PCDHGB2: variants seen among roughly 807,000 people sequenced by gnomAD.
PCDHGB2 encodes protocadherin gamma-B2.
A neutral mutation model predicts 59.3 loss-of-function variants in PCDHGB2; 55 were observed. The ratio of observed to expected loss-of-function variants is 0.93; its 90% CI spans 0.75 to 1.16. The LOEUF is 1.16. Among genes scored for constraint, PCDHGB2 ranks in the 50% most tolerant of loss-of-function variants. The pLI, the probability that PCDHGB2 is intolerant of heterozygous loss-of-function variation, is 0.00. For synonymous variants in PCDHGB2, 516 were observed against 512.0 expected (o/e 1.01, Z -0.11); for missense variants, 1,228 against 1,198.5 (o/e 1.02, Z -0.36).
intron 1 of PCDHGB2, among the ~76,000 whole-genome samples, chr5:141,466,637 A>G (rs944728391): frequency 1.1e-4 from 16 of 152,234 alleles, no homozygotes; most frequent in Admixed American, 8.5e-4. Flanking sequence ...CATTGTCTCC[A>G]TAAACTTTTC....
intron 1 of PCDHGB2, chr5:141,394,345 C>T (rs748471730): frequency 1.2e-6 from 2 of 1,614,146 alleles, no homozygotes; most frequent in Non-Finnish European, 1.7e-6. Context: ...AACTCTGACA[C>T]CGGTGTCCTG....
Position 141,403,062 on chromosome 5 carries a change from A to G in PCDHGB2, c.2421+40506A>G, listed in dbSNP as rs780758422. On this transcript the variant is annotated intron_variant, in intron 1 of 3. Transcript: ENST00000522605. ...AGTCAGATTCGCTACTCAGTGCCTG[A>G]AGAGACAGAAAAGGGCTATATTGTG... is the stretch of plus-strand genomic sequence containing the variant. The G allele has an allele frequency of 7.4e-6, 12 of 1,613,964 alleles. 1 individual carries two copies. The South Asian group carries it at 1.1e-4, about 15-fold the overall frequency.
At chr5:141,427,371 G>A (rs772247790) in intron 1 of PCDHGB2, 3 of 458,018 alleles carry the variant, frequency 6.5e-6, no homozygotes, top group East Asian at 6.9e-5. Context: ...ACCCTGGACG[G>A]TGATCACTCT....
At position 141,490,054 on chromosome 5, in the gene PCDHGB2, G is replaced by A. The variant is rs2099695440; in HGVS notation, c.2422-4753G>A. The A allele has an allele frequency of 6.2e-7, 1 of 1,614,104 alleles. No individual in the cohort carries two copies. The highest frequency in any genetic ancestry group is 1.3e-5 in the African/African-American group (1 of 74,944). ...CCTCAATGCCACTGATCCAGACGAG[G>A]GCACCAACGGCCAACTAGACTATTC... On this transcript the variant is annotated intron_variant, in intron 1 of 3. Transcript: ENST00000522605. This position sits in a 1 kb window ranked among gnomAD's most constrained non-coding sequence, Gnocchi z 5.4.
At chr5:141,371,910 T>C in intron 1 of PCDHGB2, 1 of 1,613,364 alleles carries the variant, frequency 6.2e-7, no homozygotes, top group South Asian at 1.1e-5. Flanking sequence ...GTCCTACGTG[T>C]CCGTGAGCGC....
At chr5:141,377,761 T>C (rs917483532) in intron 1 of PCDHGB2, 27 of 152,190 alleles carry the variant, frequency 1.8e-4, no homozygotes, top group African/African-American at 5.8e-4. Context: ...GGACACCAGA[T>C]CTTTGGTGTT....
chr5:141,427,109 C>A lies in PCDHGB2; in HGVS notation c.2421+64553C>A, dbSNP rs141512367. On this transcript the variant is annotated intron_variant, in intron 1 of 3. Coordinates refer to ENST00000522605, the MANE Select transcript of PCDHGB2 (RefSeq NM_018923.3). ...AGGATGAGGGTGTCAATGCGGAGAT[C>A]ACCTACTCTTTCAAATCCCTACGAG... 1,737 of 457,784 alleles carry A rather than the reference C, an allele frequency of 3.8e-3. 17 individuals carry two copies. Among genetic ancestry groups the A allele is most frequent in the Admixed American group, 0.01 (426 of 42,600 alleles). 28.4% of individuals were successfully genotyped at this position (457,784 alleles called of 1,614,324 possible). A position where few individuals can be genotyped will look rare whatever the true frequency, so the allele number is the denominator to read the frequency against.
intron 3 of PCDHGB2, 119 bp downstream of exon 3, chr5:141,505,600 G>T: frequency 1.3e-6 from 2 of 1,554,224 alleles, no homozygotes; most frequent in Middle Eastern, 3.4e-4. Context: ...AGATCTTTCG[G>T]CAGGTCTGAA....
chr5:141,363,843 T>C (rs771270646), intron 1 of PCDHGB2, among the ~76,000 whole-genome samples: 2 of 152,188 alleles, frequency 1.3e-5, no homozygotes, highest in African/African-American at 2.4e-5. Context: ...TGTCCTAATT[T>C]AATGGACTAA....
In PCDHGB2 at chr5:141,491,419, G is replaced by A. The variant is rs1422517367; in HGVS notation, c.2422-3388G>A. On this transcript the variant is annotated intron_variant, in intron 1 of 3. Coordinates refer to ENST00000522605, the MANE Select transcript of PCDHGB2 (RefSeq NM_018923.3). This position sits in a 1 kb window ranked among gnomAD's most constrained non-coding sequence, Gnocchi z 6.9. ...GGGAAACGCAGACGGGGACGGGGGT[G>A]GAGGGCAGTGCTGCAGGCGCCAGGA... 1 of 1,614,124 alleles carries A rather than the reference G, an allele frequency of 6.2e-7. No individual in the cohort carries two copies.
rs1231121250 is a variant in PCDHGB2 at position 141,399,544 on chromosome 5, T to G, written c.2421+36988T>G. The G allele has an allele frequency of 5.6e-6, 9 of 1,614,022 alleles. No individual in the cohort carries two copies. The highest frequency in any genetic ancestry group is 7.6e-6 in the Non-Finnish European group (9 of 1,179,882). ...GGCCTCCATCGCGCAAGTCTGCGCCTCGGACCTGGACTTGGGGTTGAACGG... is the reference window on the plus strand; with the variant it reads ...GGCCTCCATCGCGCAAGTCTGCGCCGCGGACCTGGACTTGGGGTTGAACGG... On this transcript the variant is annotated intron_variant, in intron 1 of 3. Transcript: ENST00000522605.
intron 1 of PCDHGB2, among the ~76,000 whole-genome samples, chr5:141,401,338 A>G (rs2094142012): frequency 6.6e-6 from 1 of 152,186 alleles, no homozygotes; most frequent in Non-Finnish European, 1.5e-5. Flanking sequence ...GCAAAACTCC[A>G]TCTCAAAAAA....
chr5:141,421,328 A>G (rs1355932974), intron 1 of PCDHGB2: 1 of 1,613,902 alleles, frequency 6.2e-7, no homozygotes. Flanking sequence ...CAGATCCGAT[A>G]TTCGGTGCCA....
At chr5:141,390,423 C>A in intron 1 of PCDHGB2, 1 of 1,058,544 alleles carries the variant, frequency 9.4e-7, no homozygotes, top group Non-Finnish European at 1.3e-6. Context: ...AGTTAAAAAG[C>A]TGTCATATCA....
intron 1 of PCDHGB2, chr5:141,478,111 A>G (rs2099430294): frequency 1.2e-6 from 2 of 1,613,982 alleles, no homozygotes; most frequent in Admixed American, 1.7e-5. Context: ...TCACTGTGTC[A>G]GTAACCGAGG....
intron 2 of PCDHGB2, among the ~76,000 whole-genome samples, chr5:141,504,059 T>C (rs1179226175): frequency 6.6e-6 from 1 of 152,184 alleles, no homozygotes; most frequent in Admixed American, 6.6e-5. Flanking sequence ...ATTGAAAAAC[T>C]TCTCTGAGCC....
At chr5:141,404,602 G>C (rs749746083) in intron 1 of PCDHGB2, 2 of 1,614,076 alleles carry the variant, frequency 1.2e-6, no homozygotes, top group Admixed American at 1.7e-5. Flanking sequence ...CATTGAGACT[G>C]TTTGTTTTGG....
intron 1 of PCDHGB2, chr5:141,441,665 A>G (rs994092543): frequency 2.3e-5 from 6 of 265,720 alleles, no homozygotes; most frequent in Non-Finnish European, 3.7e-5. Context: ...CCTTGAGCGC[A>G]CAGTGCGCCT....
In PCDHGB2 at chr5:141,376,256, C is replaced by T. The variant is rs576537938; in HGVS notation, c.2421+13700C>T. ...GCAGCGCTGGCACAAGTCACGCCTG[C>T]TGCAGGCTTCGGGAGGTGGCTTAGC... On this transcript the variant is annotated intron_variant, in intron 1 of 3. Transcript: ENST00000522605. 8 of 1,614,228 alleles carry T rather than the reference C, an allele frequency of 5.0e-6. No homozygotes were observed. The East Asian group carries it at 1.8e-4, about 36-fold the overall frequency.
Sources: allele counts gnomAD v4.1 joint callset (sites outside exome capture counted in the v4.1 genomes callset), GRCh38; gene constraint gnomAD v4.1.1; non-coding constraint Gnocchi (gnomAD v3.1); transcripts MANE v1.5; gene names NCBI Gene and HGNC (gene_info 2026-07-23, HGNC 2026-07-21).